The following ROBO2 variants were observed in gnomAD, a reference collection of about 807,000 sequenced individuals.
ROBO2 encodes roundabout guidance receptor 2, also known as roundabout homolog 2.
In ROBO2, 53 loss-of-function variants were observed where a neutral mutation model predicts 160.8. The observed-to-expected ratio is 0.33, with a 90% CI of 0.26 to 0.41. The LOEUF is 0.41. Among genes scored for constraint, ROBO2 ranks in the 10% least tolerant of loss-of-function variants. The probability of loss-of-function intolerance (pLI) is 1.00; values close to 1 mark genes in which losing one functional copy is unlikely to be tolerated. For synonymous variants in ROBO2, 664 were observed against 611.7 expected (o/e 1.09, Z -1.26); for missense variants, 1,577 against 1,722.4 (o/e 0.92, Z 1.49).
chr3:77,327,865 C>A (rs1406664679), intron 2 of ROBO2, among the ~76,000 whole-genome samples: 3 of 151,782 alleles, frequency 2.0e-5, no homozygotes, highest in Non-Finnish European at 4.4e-5. Flanking sequence ...GCCTGGACAA[C>A]AATGGCGAAA....
rs548090898 is a variant in ROBO2 at position 76,232,923 on chromosome 3, T to C, written c.109+295321T>C. ...ATATGCTCAGCCACCAGCTACCAAA[T>C]TGGCTAACCTACTTGTATATGTGTT... On this transcript the variant is annotated intron_variant, in intron 2 of 26. Transcript: ENST00000487694. 1.1e-4 allele frequency among the ~76,000 whole-genome samples: 17 copies of C among 152,268 alleles called. No individual in the cohort carries two copies. The East Asian group carries it at 2.1e-3, about 19-fold the overall frequency.
intron 23 of ROBO2, among the ~76,000 whole-genome samples, chr3:77,627,364 C>T (rs2095050518): frequency 6.6e-6 from 1 of 152,222 alleles, no homozygotes; most frequent in Non-Finnish European, 1.5e-5. Context: ...ACTGCAACCT[C>T]CGCCTCCCAG....
chr3:76,699,598 T>A (rs2093004899), intron 2 of ROBO2, among the ~76,000 whole-genome samples: 1 of 152,142 alleles, frequency 6.6e-6, no homozygotes, highest in Admixed American at 6.6e-5. Flanking sequence ...AAGAACGTAG[T>A]TTCCTTTTTT....
At chr3:77,227,000 G>A (rs1401523461) in intron 2 of ROBO2, among the ~76,000 whole-genome samples, 4 of 152,062 alleles carry the variant, frequency 2.6e-5, no homozygotes. Context: ...TGATGTCAAA[G>A]TAAATGTAAC....
Position 77,473,440 on chromosome 3 carries a change from C to CTTTTT in ROBO2, c.389-3941_389-3937dup, listed in dbSNP as rs71104688. ...CTGCAGTTCGATTTTACAAACTGCT[C>CTTTTT]TTTTTTTTTTTTTTTTTTTTTTTTT... is the stretch of plus-strand genomic sequence containing the variant. On this transcript the variant is annotated intron_variant, in intron 2 of 25. Coordinates refer to ENST00000461745, the Ensembl canonical transcript of ROBO2. Among the ~76,000 whole-genome samples the CTTTTT allele has an allele frequency of 4.2e-4, 33 of 77,928 alleles. 8 individuals carry two copies. Among genetic ancestry groups the CTTTTT allele is most frequent in the African/African-American group, 6.5e-4 (14 of 21,502 alleles). 51.1% of individuals were successfully genotyped at this position (77,928 alleles called of 152,430 possible).
At chr3:76,520,132 T>G (rs2081530444) in intron 2 of ROBO2, among the ~76,000 whole-genome samples, 1 of 152,120 alleles carries the variant, frequency 6.6e-6, no homozygotes, top group African/African-American at 2.4e-5. Context: ...CTCAATGAGC[T>G]GCATCATTGG....
rs1003000699 is a variant in ROBO2 at position 77,134,799 on chromosome 3, C to T, written c.388+36459C>T. ...AGGAGGCCACTGCTAATTTCCCTCCCTACATAATCAAATCAGTACAGCTAT... is the reference window on the plus strand; with the variant it reads ...AGGAGGCCACTGCTAATTTCCCTCCTTACATAATCAAATCAGTACAGCTAT... On this transcript the variant is annotated intron_variant, in intron 2 of 25. Coordinates refer to ENST00000461745, the Ensembl canonical transcript of ROBO2. Among the ~76,000 whole-genome samples, 6 of 152,312 alleles carry T rather than the reference C, an allele frequency of 3.9e-5. No homozygotes were observed. In the East Asian group the frequency reaches 1.2e-3, roughly 29 times the overall value.
At chr3:77,400,776 T>G (rs2075727257) in intron 2 of ROBO2, among the ~76,000 whole-genome samples, 1 of 151,696 alleles carries the variant, frequency 6.6e-6, no homozygotes, top group Non-Finnish European at 1.5e-5. Context: ...AGGTAGGTAT[T>G]AAGATCTTCA....
intron 2 of ROBO2, among the ~76,000 whole-genome samples, chr3:76,277,508 G>A (rs904181143): frequency 1.3e-5 from 2 of 151,872 alleles, no homozygotes; most frequent in African/African-American, 2.4e-5. Flanking sequence ...TCTAATTCTT[G>A]GATTAGGGAT....
intron 2 of ROBO2, among the ~76,000 whole-genome samples, chr3:77,017,276 T>C (rs1158175086): frequency 2.0e-5 from 3 of 152,170 alleles, no homozygotes; most frequent in African/African-American, 7.2e-5. Flanking sequence ...GTCTTTTAAA[T>C]TCAAAGGAAA....
chr3:76,293,998 C>T (rs984398326), intron 2 of ROBO2, among the ~76,000 whole-genome samples: 3 of 152,120 alleles, frequency 2.0e-5, no homozygotes, highest in Admixed American at 2.0e-4. Context: ...AGCCTGTCTC[C>T]GATGTTCATC....
At chr3:76,039,703 A>G (rs1379531943) in intron 2 of ROBO2, among the ~76,000 whole-genome samples, 1 of 152,032 alleles carries the variant, frequency 6.6e-6, no homozygotes. Context: ...ATCTATAATA[A>G]TAAGCATAGA....
At chr3:76,081,870 C>G (rs891035510) in intron 2 of ROBO2, among the ~76,000 whole-genome samples, 1 of 149,646 alleles carries the variant, frequency 6.7e-6, no homozygotes, top group South Asian at 2.1e-4. Context: ...ACCAGAAAAA[C>G]TGAAAGAAAA....
intron 2 of ROBO2, among the ~76,000 whole-genome samples, chr3:77,201,309 G>T (rs549538360): frequency 6.6e-6 from 1 of 152,038 alleles, no homozygotes; most frequent in Admixed American, 6.6e-5. Context: ...TGACCATTTC[G>T]CCACTAAGAA....
chr3:76,345,774 T>C (rs1204138165), intron 2 of ROBO2, among the ~76,000 whole-genome samples: 1 of 152,142 alleles, frequency 6.6e-6, no homozygotes, highest in Non-Finnish European at 1.5e-5. Flanking sequence ...ATATAAATTA[T>C]TGAATTGCTG....
intron 2 of ROBO2, among the ~76,000 whole-genome samples, chr3:76,202,879 A>G (rs951852944): frequency 2.6e-5 from 4 of 151,332 alleles, no homozygotes; most frequent in Non-Finnish European, 5.9e-5. Context: ...TTGTTGATCT[A>G]CTGTCTCTGA....
intron 2 of ROBO2, among the ~76,000 whole-genome samples, chr3:76,193,819 T>A (rs1702121335): frequency 6.6e-6 from 1 of 152,192 alleles, no homozygotes; most frequent in Non-Finnish European, 1.5e-5. Flanking sequence ...GACCTCTTTT[T>A]TTTCTTTTTG....
intron 2 of ROBO2, among the ~76,000 whole-genome samples, chr3:76,756,414 T>C (rs1192775874): frequency 6.6e-6 from 1 of 151,896 alleles, no homozygotes; most frequent in Non-Finnish European, 1.5e-5. Flanking sequence ...AGTATGTCTA[T>C]TCTTGTAACT....
exon 21 of ROBO2, chr3:77,607,860 T>C (rs374560337): frequency 1.9e-6 from 3 of 1,613,802 alleles, no homozygotes; most frequent in Non-Finnish European, 2.5e-6. Context: ...AAACAATGGA[T>C]CCACTTGGGC....
Sources: allele counts gnomAD v4.1 joint callset (sites outside exome capture counted in the v4.1 genomes callset), GRCh38; gene constraint gnomAD v4.1.1; transcripts MANE v1.5; gene names NCBI Gene and HGNC (gene_info 2026-07-23, HGNC 2026-07-21).